Variants in ARMC2 observed in about 807,000 individuals in gnomAD.
ARMC2 encodes armadillo repeat containing 2, also known as armadillo repeat-containing protein 2.
ARMC2 carries 67 observed loss-of-function variants against 90.3 expected under a neutral mutation model. The observed-to-expected ratio is 0.74, with a 90% CI of 0.61 to 0.91. The LOEUF is 0.91. Ranked by LOEUF, ARMC2 falls within the 40% of genes least tolerant of loss-of-function variation. The pLI, the probability that ARMC2 is intolerant of heterozygous loss-of-function variation, is 0.00. For missense variants in ARMC2, 920 were observed against 1,030.9 expected, an observed-to-expected ratio of 0.89 and a Z score of 1.47; for synonymous variants, 393 against 393.0, an observed-to-expected ratio of 1.00 and a Z score of 0.00.
chr6:109,019,967 A>G, the ARMC2 span, among the ~76,000 whole-genome samples: 1 of 152,228 alleles, frequency 6.6e-6, no homozygotes, highest in East Asian at 1.9e-4. Context: ...TAAAAAATCT[A>G]AACTTCAAAA....
At chr6:108,912,877 A>G (rs542656069) in intron 10 of ARMC2, among the ~76,000 whole-genome samples, 2 of 152,228 alleles carry the variant, frequency 1.3e-5, no homozygotes, top group Admixed American at 1.3e-4. Context: ...AAATTTTAAC[A>G]AGCTGCTTAG....
chr6:109,015,687 T>C, the ARMC2 span, among the ~76,000 whole-genome samples: 2 of 152,176 alleles, frequency 1.3e-5, no homozygotes, highest in Non-Finnish European at 2.9e-5. Context: ...GAGGGGGAAA[T>C]GGACGGTTAG....
At chr6:108,983,143 A>G in the ARMC2 span, among the ~76,000 whole-genome samples, 1 of 151,956 alleles carries the variant, frequency 6.6e-6, no homozygotes, top group Non-Finnish European at 1.5e-5. Flanking sequence ...TGGTTTTTTG[A>G]GTTGTAGGAA....
rs191920333 is a variant in ARMC2, at chr6:108,933,900, C to T, written c.1497-3000C>T. ...TTTTTGAGACGGAGTCTTGCTTTGT[C>T]GCCCAGGCTGGAGTGCAGTGGCGTG... On this transcript the variant is annotated intron_variant, in intron 11 of 17. Transcript: ENST00000392644. Among the ~76,000 whole-genome samples, 719 of 152,220 alleles carry T rather than the reference C, an allele frequency of 4.7e-3. 5 individuals are homozygous for T. The highest frequency in any genetic ancestry group is 0.027 in the Admixed American group (418 of 15,278).
chr6:108,988,266 CT>C, the ARMC2 span: 21 of 270,604 alleles, frequency 7.8e-5, no homozygotes, highest in African/African-American at 4.2e-4. Context: ...ACACTTCTAC[CT>C]ATACACAGCT....
chr6:109,000,473 T>G, the ARMC2 span: 1 of 1,491,986 alleles, frequency 6.7e-7, no homozygotes, highest in Non-Finnish European at 9.0e-7. Context: ...TCCCAAGATA[T>G]ATTACCCCAC....
chr6:108,865,397 C>T (rs752862475), intron 3 of ARMC2, among the ~76,000 whole-genome samples: 10 of 152,080 alleles, frequency 6.6e-5, no homozygotes, highest in African/African-American at 9.7e-5. Context: ...TACTCCACAG[C>T]GTGAAAGAAC....
In ARMC2 at chr6:108,973,848, A is replaced by AT; in HGVS notation, c.*335dup. On this transcript the variant is annotated 3_prime_UTR_variant, in exon 18 of 18. Transcript: ENST00000392644. Reference sequence around the variant, plus strand: ...TAACAATTTTGGAATTGAAGTGTTCATAAGTTAAATGAACTGTGCAATGAA... The same window carrying AT: ...TAACAATTTTGGAATTGAAGTGTTCATTAAGTTAAATGAACTGTGCAATGAA... 4.9e-6 allele frequency: 1 copy of AT among 202,746 alleles called. No homozygotes were observed. The highest frequency in any genetic ancestry group is 1.0e-5 in the Non-Finnish European group (1 of 98,640). 12.6% of individuals were successfully genotyped at this position (202,746 alleles called of 1,614,324 possible).
intron 1 of ARMC2, chr6:108,848,864 C>T (rs186947965): frequency 6.6e-6 from 1 of 152,230 alleles, no homozygotes; most frequent in Non-Finnish European, 1.5e-5. Context: ...TTCCTGCCGT[C>T]GTCCGCCTGT....
intron 16 of ARMC2, 56 bp downstream of exon 16, chr6:108,964,368 C>T: frequency 9.5e-6 from 15 of 1,577,754 alleles, no homozygotes; most frequent in Non-Finnish European, 1.3e-5. Flanking sequence ...ACATCATTTT[C>T]TTGGGAGCTT....
chr6:108,898,379 C>T (rs1009480270), intron 6 of ARMC2, among the ~76,000 whole-genome samples: 1 of 152,186 alleles, frequency 6.6e-6, no homozygotes, highest in Non-Finnish European at 1.5e-5. Context: ...TGTGTGGACA[C>T]TTAATTGGTA....
intron 10 of ARMC2, among the ~76,000 whole-genome samples, chr6:108,918,126 A>AAGAC (rs1347480281): frequency 5.3e-5 from 8 of 152,202 alleles, no homozygotes; most frequent in African/African-American, 1.9e-4. Context: ...TGAAGGCAGA[A>AAGAC]AGACAATGAA....
At chr6:108,870,672 G>A (rs1410172955) in intron 4 of ARMC2, among the ~76,000 whole-genome samples, 1 of 152,136 alleles carries the variant, frequency 6.6e-6, no homozygotes, top group Non-Finnish European at 1.5e-5. Flanking sequence ...AAGACAATGA[G>A]GATGTGCAGG....
chr6:108,967,453 G>T (rs1778451339), intron 17 of ARMC2, among the ~76,000 whole-genome samples: 1 of 152,190 alleles, frequency 6.6e-6, no homozygotes, highest in South Asian at 2.1e-4. Context: ...CTCAGCAGGG[G>T]CAGTGTACCT....
chr6:108,957,265 C>T (rs949230729), intron 13 of ARMC2, among the ~76,000 whole-genome samples: 4 of 152,202 alleles, frequency 2.6e-5, no homozygotes, highest in African/African-American at 9.6e-5. Context: ...TCACCCCCCT[C>T]CACCTTCCCC....
intron 3 of ARMC2, among the ~76,000 whole-genome samples, chr6:108,867,211 G>T (rs9372201): frequency 0.032 from 4,840 of 152,234 alleles, 211 homozygotes; most frequent in East Asian, 0.2. Context: ...GACATTGGAG[G>T]CAGGAAGGAT....
chr6:108,859,323 C>T lies in ARMC2; in HGVS notation c.291+1052C>T, dbSNP rs193286578. On this transcript the variant is annotated intron_variant, in intron 3 of 17. Transcript: ENST00000392644. ...GCCCCTCACCATCCTCCTGGGGAGA[C>T]GGCTTCTCCTTGTGCTGGCTTTTTC... Among the ~76,000 whole-genome samples the T allele has an allele frequency of 2.3e-3, 357 of 152,060 alleles. 3 individuals are homozygous for T. The highest frequency in any genetic ancestry group is 7.9e-3 in the African/African-American group (325 of 41,356).
the ARMC2 span, among the ~76,000 whole-genome samples, chr6:109,021,457 CCTT>C: frequency 3.3e-5 from 5 of 152,004 alleles, no homozygotes; most frequent in Non-Finnish European, 5.9e-5. Flanking sequence ...CTTGCCTCAT[CCTT>C]CTTTTTTTTT....
downstream of ARMC2, among the ~76,000 whole-genome samples, chr6:108,977,566 A>G (rs1779009513): frequency 6.6e-6 from 1 of 152,158 alleles, no homozygotes; most frequent in Non-Finnish European, 1.5e-5. Context: ...TAGTTTCAGA[A>G]GGAATGGTAC....
Sources: allele counts gnomAD v4.1 joint callset (sites outside exome capture counted in the v4.1 genomes callset), GRCh38; gene constraint gnomAD v4.1.1; transcripts MANE v1.5; gene names NCBI Gene and HGNC (gene_info 2026-07-23, HGNC 2026-07-21).